PLXNA2: variants seen among roughly 807,000 people sequenced by gnomAD.
The protein encoded by PLXNA2 is plexin-A2.
PLXNA2 carries 91 observed loss-of-function variants against 193.5 expected under a neutral mutation model. The ratio of observed to expected loss-of-function variants is 0.47; its 90% confidence interval spans 0.40 to 0.56. The LOEUF (loss-of-function observed/expected upper bound fraction) is 0.56, where lower values mean the gene tolerates loss of function less well. Among genes scored for constraint, PLXNA2 ranks in the 20% least tolerant of loss-of-function variants. The pLI is 0.00. For missense variants in PLXNA2, 1,995 were observed against 2,503.2 expected, an observed-to-expected ratio of 0.80 and a Z score of 4.33; for synonymous variants, 997 against 1,027.3, an observed-to-expected ratio of 0.97 and a Z score of 0.56.
chr1:208,064,216 T>G (rs746334610), intron 12 of PLXNA2, among the ~76,000 whole-genome samples: 5 of 152,216 alleles, frequency 3.3e-5, no homozygotes, highest in Non-Finnish European at 5.9e-5. Context: ...TCAGGAGGAC[T>G]CCATCATCTC....
In PLXNA2 at chr1:208,044,127, G is replaced by A. The variant is rs914002789; in HGVS notation, c.3874+381C>T. Reference sequence around the variant, plus strand: ...TGCTGCCGCTGCTCCCACGTGCTGCGAAGACAGTGTGCAGAAAAACAAGAG... The same window carrying A: ...TGCTGCCGCTGCTCCCACGTGCTGCAAAGACAGTGTGCAGAAAAACAAGAG... On this transcript the variant is annotated intron_variant, in intron 20 of 31. Transcript: ENST00000367033. The surrounding 1 kb of genome is among the most constrained non-coding windows in gnomAD (Gnocchi z 4.9). Among the ~76,000 whole-genome samples, 2 of 152,202 alleles carry A rather than the reference G, an allele frequency of 1.3e-5. No homozygotes were observed. Among genetic ancestry groups the A allele is most frequent in the African/African-American group, 2.4e-5 (1 of 41,462 alleles).
intron 24 of PLXNA2, 99 bp downstream of exon 24, chr1:208,039,522 T>C: frequency 6.6e-7 from 1 of 1,522,230 alleles, no homozygotes; most frequent in Non-Finnish European, 9.0e-7. Flanking sequence ...CCTCCCATCC[T>C]CTTTATTGAC....
At chr1:208,243,163 G>A (rs1022347896) in intron 1 of PLXNA2, among the ~76,000 whole-genome samples, 2 of 152,114 alleles carry the variant, frequency 1.3e-5, no homozygotes, top group African/African-American at 4.8e-5. Context: ...AGGGAGAGCC[G>A]GCGGCCACCA....
intron 3 of PLXNA2, among the ~76,000 whole-genome samples, chr1:208,151,297 G>A (rs558853300): frequency 2.0e-5 from 3 of 152,228 alleles, no homozygotes; most frequent in East Asian, 1.9e-4. Context: ...GTGGGCACTC[G>A]GAATCTCCAT....
rs185050864 is a variant in PLXNA2 at position 208,106,720 on chromosome 1, A to G, written c.1507-3473T>C. Among the ~76,000 whole-genome samples, 35 of 152,346 alleles carry G rather than the reference A, an allele frequency of 2.3e-4. 1 individual carries two copies. Among genetic ancestry groups the G allele is most frequent in the African/African-American group, 7.5e-4 (31 of 41,582 alleles). On this transcript the variant is annotated intron_variant, in intron 4 of 31. Coordinates refer to ENST00000367033, the MANE Select transcript of PLXNA2 (RefSeq NM_025179.4). ...TTATCTTGAATTAAATGTATTATTAATTTCACCTGTTCTTCTTCCTTTTTG... is the reference window on the plus strand; with the variant it reads ...TTATCTTGAATTAAATGTATTATTAGTTTCACCTGTTCTTCTTCCTTTTTG...
chr1:208,239,410 CCT>C (rs1027939978), intron 1 of PLXNA2, among the ~76,000 whole-genome samples: 2 of 152,180 alleles, frequency 1.3e-5, no homozygotes, highest in African/African-American at 4.8e-5. Flanking sequence ...TGTCTTCCTC[CCT>C]CTCTCCATTT....
At chr1:208,155,439 GTA>G (rs1467400898) in intron 3 of PLXNA2, among the ~76,000 whole-genome samples, 2 of 152,166 alleles carry the variant, frequency 1.3e-5, no homozygotes, top group Non-Finnish European at 2.9e-5. Flanking sequence ...TTTGTGTAAA[GTA>G]CTAAAGCATC....
intron 16 of PLXNA2, 44 bp from the exon 17 acceptor site, chr1:208,051,146 A>G (rs1303307371): frequency 4.4e-6 from 7 of 1,596,932 alleles, no homozygotes; most frequent in South Asian, 2.2e-5. Flanking sequence ...ACCCCCTCAA[A>G]TCTGGCATGG....
intron 3 of PLXNA2, among the ~76,000 whole-genome samples, chr1:208,202,956 T>C (rs1670598426): frequency 1.3e-5 from 2 of 152,228 alleles, no homozygotes; most frequent in South Asian, 4.1e-4. Context: ...AGTCTTTAGT[T>C]TCTCCCCTTT....
chr1:208,159,891 C>T (rs1373892764), intron 3 of PLXNA2, among the ~76,000 whole-genome samples: 1 of 152,176 alleles, frequency 6.6e-6, no homozygotes, highest in Non-Finnish European at 1.5e-5. Flanking sequence ...TGGGCTGGCA[C>T]TTGGGGGATT....
In PLXNA2 at chr1:208,038,811, T is replaced by A. The variant is rs1664760377; in HGVS notation, c.4660+14A>T. 2 of 1,611,744 alleles carry A rather than the reference T, an allele frequency of 1.2e-6. No individual in the cohort carries two copies. Among genetic ancestry groups the A allele is most frequent in the Non-Finnish European group, 1.7e-6 (2 of 1,178,378 alleles). On this transcript the variant is annotated intron_variant, in intron 25 of 31. Transcript: ENST00000367033. This position sits in a 1 kb window ranked among gnomAD's most constrained non-coding sequence, Gnocchi z 4.1. ...TCAACCCCTGCCCTCACACTCTGAG[T>A]CCAGGTTTCCTACCCAAGTCCATGT...
intron 12 of PLXNA2, among the ~76,000 whole-genome samples, chr1:208,066,344 C>T (rs1665795019): frequency 6.6e-6 from 1 of 152,136 alleles, no homozygotes; most frequent in Admixed American, 6.5e-5. Flanking sequence ...GCCTGTGTGC[C>T]CCTCCTCTGC....
rs190448623 is a variant in PLXNA2, at chr1:208,090,552, C to T, written c.2097+2234G>A. Among the ~76,000 whole-genome samples, 56 of 152,284 alleles carry T rather than the reference C, an allele frequency of 3.7e-4. 1 individual carries two copies. In the East Asian group the frequency reaches 6.4e-3, roughly 17 times the overall value. On this transcript the variant is annotated intron_variant, in intron 9 of 31. Transcript: ENST00000367033. ...CCAATTAGCCTGCAGGGGCTCAGCT[C>T]TCTGGCCTCCACACACACCCCAGCA...
In PLXNA2 at chr1:208,096,606, C is replaced by A; in HGVS notation, c.1885+124G>T. On this transcript the variant is annotated intron_variant, in intron 7 of 31. Transcript: ENST00000367033. ...ATGACAGTTTGCTTTCAAACGTAAA[C>A]AAGTTGTCTAAGCCAATATTAGTAT... is the stretch of plus-strand genomic sequence containing the variant. 4.3e-6 allele frequency: 5 copies of A among 1,157,096 alleles called. No homozygotes were observed. The South Asian group carries it at 6.2e-5, about 14-fold the overall frequency. 71.7% of individuals were successfully genotyped at this position (1,157,096 alleles called of 1,614,324 possible).
chr1:208,086,310 C>A (rs1252076199), intron 9 of PLXNA2, among the ~76,000 whole-genome samples: 3 of 145,278 alleles, frequency 2.1e-5, no homozygotes, highest in African/African-American at 5.1e-5. Context: ...GTGAAAAAAT[C>A]TTTTTTTTTT....
At chr1:208,101,640 C>T (rs1371695929) in intron 5 of PLXNA2, among the ~76,000 whole-genome samples, 2 of 152,188 alleles carry the variant, frequency 1.3e-5, no homozygotes, top group African/African-American at 4.8e-5. Context: ...AGCGGGGAGG[C>T]CCAGGCATTG....
At chr1:208,086,948 A>T (rs1246516230) in intron 9 of PLXNA2, among the ~76,000 whole-genome samples, 51 of 134,684 alleles carry the variant, frequency 3.8e-4, no homozygotes, top group South Asian at 1.1e-3. Flanking sequence ...TCTCTCTCGC[A>T]CTCTCTCTCT....
intron 8 of PLXNA2, among the ~76,000 whole-genome samples, chr1:208,093,101 T>G (rs754488080): frequency 2.6e-5 from 4 of 152,116 alleles, no homozygotes; most frequent in Non-Finnish European, 5.9e-5. Context: ...GGAAAGAAAA[T>G]GAGACCAGAT....
At chr1:208,214,163 C>T (rs1671051515) in intron 2 of PLXNA2, among the ~76,000 whole-genome samples, 1 of 151,698 alleles carries the variant, frequency 6.6e-6, no homozygotes, top group Non-Finnish European at 1.5e-5. Context: ...AGTCTAGCTT[C>T]CTCATTTTAC....
Sources: gnomAD v4.1 joint callset for allele counts (sites outside exome capture counted in the v4.1 genomes callset) on GRCh38, gnomAD v4.1.1 for gene constraint, Gnocchi (gnomAD v3.1) non-coding constraint, MANE v1.5 for transcripts, NCBI Gene and HGNC (gene_info 2026-07-23, HGNC 2026-07-21) for gene names.